Variants in PLET1 observed in about 807,000 individuals in gnomAD.
PLET1 encodes the protein placenta expressed transcript 1, also known as placenta-expressed transcript 1 protein.
In PLET1, 20 loss-of-function variants were observed where a neutral mutation model predicts 18.5. The observed-to-expected ratio is 1.08, with a 90% CI of 0.76 to 1.57. The LOEUF (loss-of-function observed/expected upper bound fraction) is 1.57. Among genes scored for constraint, PLET1 ranks in the 40% most tolerant of loss-of-function variants. The pLI is 0.00. For synonymous variants in PLET1, 93 were observed against 93.8 expected (o/e 0.99, Z 0.05); for missense variants, 256 against 246.4 (o/e 1.04, Z -0.26).
intron 3 of PLET1, 60 bp downstream of exon 3, chr11:112,252,288 A>C: frequency 6.9e-7 from 1 of 1,449,456 alleles, no homozygotes; most frequent in Non-Finnish European, 9.5e-7. Flanking sequence ...CCCACAAGGT[A>C]ATTTTCCAGG....
intron 3 of PLET1, 55 bp from the exon 4 acceptor site, chr11:112,249,029 G>A (rs1392138446): frequency 1.2e-5 from 18 of 1,491,150 alleles, no homozygotes; most frequent in South Asian, 7.4e-5. Flanking sequence ...CGGAACCTCC[G>A]TTGGGTGGTG....
At chr11:112,254,999 GGTAT>G (rs1394474839) in intron 2 of PLET1, among the ~76,000 whole-genome samples, 4 of 69,136 alleles carry the variant, frequency 5.8e-5, no homozygotes, top group African/African-American at 1.5e-4. Flanking sequence ...TGTGGTGTGT[GGTAT>G]GTATGTGTGT....
Position 112,248,618 on chromosome 11 carries a change from T to C in PLET1, c.*181A>G. 3 of 640,874 alleles carry C rather than the reference T, an allele frequency of 4.7e-6. No homozygotes were observed. Among genetic ancestry groups the C allele is most frequent in the South Asian group, 2.0e-5 (1 of 49,838 alleles). The allele number at this position is 640,874 out of a possible 1,614,324, so 39.7% of individuals were successfully genotyped here. ...TGAAAGATCCAGATGAACATCTATG[T>C]GACCCAAGCCTGCCAATGAGTGCCT... On this transcript the variant is annotated 3_prime_UTR_variant, in exon 4 of 4. Transcript: ENST00000338832.
intron 1 of PLET1, 124 bp from the exon 2 acceptor site, chr11:112,255,713 G>T: frequency 1.3e-6 from 1 of 779,590 alleles, no homozygotes. Flanking sequence ...TGCACATCGA[G>T]TATATGGTCT....
In PLET1 at chr11:112,248,849, C is replaced by G. The variant is rs2135415348; in HGVS notation, c.574G>C (p.Glu192Gln). The part of the protein sequence containing the change: ...ANQVFSSPIT[E>Q]AIYILLAFLT... ...AAAGCAAGCAGGATATAAATGGCCT[C>G]TGTGATGGGGCTGCTGAAGACTTGG... The change falls in exon 4 of 4, where the codon GAG becomes CAG. Residue 192 changes from glutamate (E) to glutamine (Q), a missense_variant. Coordinates refer to ENST00000338832, the MANE Select transcript of PLET1 (RefSeq NM_001145024.1). The G allele has an allele frequency of 6.4e-7, 1 of 1,551,582 alleles. No homozygotes were observed. The highest frequency in any genetic ancestry group is 2.4e-5 in the East Asian group (1 of 40,914).
chr11:112,254,833 ATGTGTTGTGTGTGGTG>A (rs1860201732), intron 2 of PLET1, among the ~76,000 whole-genome samples: 3 of 58,160 alleles, frequency 5.2e-5, no homozygotes, highest in East Asian at 5.6e-4. Context: ...TGTGGGGTGT[ATGTGTTGTGTGTGGTG>A]TGTGTGTGGT....
At chr11:112,254,215 G>GTGTGTGTT (rs1860186724) in intron 2 of PLET1, among the ~76,000 whole-genome samples, 1 of 149,484 alleles carries the variant, frequency 6.7e-6, no homozygotes, top group Non-Finnish European at 1.5e-5. Flanking sequence ...GTGTGTGTGT[G>GTGTGTGTT]TGTGAAAAGG....
At position 112,260,694 on chromosome 11, in the gene PLET1, C is replaced by A; in HGVS notation, c.-105G>T. Reference sequence around the variant, plus strand: ...TCTGGGTGAAGTCATACATGCAGATCTTCTCCCTGCCCCTTCTGAATATAC... The same window carrying A: ...TCTGGGTGAAGTCATACATGCAGATATTCTCCCTGCCCCTTCTGAATATAC... On this transcript the variant is annotated 5_prime_UTR_variant, in exon 1 of 4. Transcript: ENST00000338832. 3 of 969,674 alleles carry A rather than the reference C, an allele frequency of 3.1e-6. No individual in the cohort carries two copies. The highest frequency in any genetic ancestry group is 4.6e-6 in the Non-Finnish European group (3 of 659,110). The allele number at this position is 969,674 out of a possible 1,614,324, so 60.1% of individuals were successfully genotyped here.
At position 112,260,826 on chromosome 11, in the gene PLET1, T is replaced by C. The variant is rs1382487848; in HGVS notation, c.-237A>G. ...TTGCAGTTTTGCTCAAGAAAGGGAA[T>C]GTCCTGAATATGGTTTTCTTTTACG... On this transcript the variant is annotated 5_prime_UTR_variant, in exon 1 of 4. Coordinates refer to ENST00000338832, the MANE Select transcript of PLET1 (RefSeq NM_001145024.1). 1 of 517,504 alleles carries C rather than the reference T, an allele frequency of 1.9e-6. No homozygotes were observed. The highest frequency in any genetic ancestry group is 3.4e-6 in the Non-Finnish European group (1 of 292,234). The allele number at this position is 517,504 out of a possible 1,614,324, so 32.1% of individuals were successfully genotyped here.
intron 1 of PLET1, among the ~76,000 whole-genome samples, chr11:112,259,863 C>A (rs1037141770): frequency 6.6e-5 from 10 of 152,032 alleles, no homozygotes; most frequent in Admixed American, 1.3e-4. Flanking sequence ...CATGGAGAAG[C>A]CCCATCTCTA....
Position 112,252,413 on chromosome 11 carries a change from T to C in PLET1, c.387-4A>G. 5 of 1,550,760 alleles carry C rather than the reference T, an allele frequency of 3.2e-6. No homozygotes were observed. The highest frequency in any genetic ancestry group is 4.4e-6 in the Non-Finnish European group (5 of 1,146,158). On this transcript the variant is annotated splice_region_variant and splice_polypyrimidine_tract_variant and intron_variant, in intron 2 of 3. Coordinates refer to ENST00000338832, the MANE Select transcript of PLET1 (RefSeq NM_001145024.1). The stretch of plus-strand genomic sequence containing the variant: ...TCTGATCTGGACAGTGAAAGCTCTG[T>C]GGAGGGCAAATCAATGAGAGATAAT...
In PLET1 at chr11:112,260,419, A is replaced by G; in HGVS notation, c.171T>C (p.Asn57=). 6.4e-7 allele frequency: 1 copy of G among 1,551,642 alleles called. No homozygotes were observed. Among genetic ancestry groups the G allele is most frequent in the South Asian group, 1.2e-5 (1 of 84,036 alleles). The change falls in exon 1 of 4, where the codon AAT becomes AAC. Residue 57 remains asparagine, a synonymous_variant. Transcript: ENST00000338832. Reference sequence around the variant, plus strand: ...GCTTCTACTCACCAGAATAGACTGCATTGCTTTCGTAGATATGTGAACTGG... The same window carrying G: ...GCTTCTACTCACCAGAATAGACTGCGTTGCTTTCGTAGATATGTGAACTGG... ...IKASSHIYES[N]AVYSVFVPVN... is the part of the protein sequence containing the mutation.
intron 2 of PLET1, 132 bp from the exon 3 acceptor site, chr11:112,252,541 T>C: frequency 1.3e-6 from 1 of 748,670 alleles, no homozygotes; most frequent in Non-Finnish European, 2.2e-6. Flanking sequence ...AATGAGCAGA[T>C]CATTAAATAC....
rs1347949008 is a variant in PLET1, at chr11:112,255,504, T to C, written c.270A>G (p.Arg90=). Residue 90 remains arginine, a synonymous_variant, in exon 2 of 4, where the codon AGA becomes AGG. Coordinates refer to ENST00000338832, the MANE Select transcript of PLET1 (RefSeq NM_001145024.1). ...ENSDSAGLWQ[R]ADKNCYSNST... ...AGTTGCTGTAGCAATTTTTATCCGC[T>C]CTTTGCCAGAGGCCCGCTGAGTCAC... is the stretch of plus-strand genomic sequence containing the variant. The C allele has an allele frequency of 5.2e-6, 8 of 1,551,912 alleles. No homozygotes were observed. In the African/African-American group the frequency reaches 1.1e-4, roughly 21 times the overall value.
intron 2 of PLET1, among the ~76,000 whole-genome samples, chr11:112,255,038 G>C (rs547196407): frequency 6.9e-4 from 93 of 134,458 alleles, no homozygotes; most frequent in African/African-American, 2.5e-3. Context: ...TATGTGGTGT[G>C]TGTGGGGTGC....
chr11:112,255,614 A>G lies in PLET1; in HGVS notation c.185-25T>C, dbSNP rs1207568709. 2.6e-6 allele frequency: 4 copies of G among 1,544,002 alleles called. No individual in the cohort carries two copies. The South Asian group carries it at 3.6e-5, about 14-fold the overall frequency. On this transcript the variant is annotated intron_variant, in intron 1 of 3. Transcript: ENST00000338832. Reference sequence around the variant, plus strand: ...ACTGGGAGGAAATGATGAAGAAGCAATCAGCCATCTGTTCCCTCTGAGCCA... The same window carrying G: ...ACTGGGAGGAAATGATGAAGAAGCAGTCAGCCATCTGTTCCCTCTGAGCCA...
chr11:112,254,280 AGT>A (rs1014407147), intron 2 of PLET1, among the ~76,000 whole-genome samples: 2 of 132,424 alleles, frequency 1.5e-5, no homozygotes, highest in East Asian at 2.4e-4. Flanking sequence ...TAAGGTGTGT[AGT>A]GTGTGTATGT....
intron 2 of PLET1, among the ~76,000 whole-genome samples, chr11:112,254,781 C>T (rs1234628121): frequency 6.1e-4 from 2 of 3,272 alleles, no homozygotes; most frequent in South Asian, 0.012. Flanking sequence ...TGGTACGCAT[C>T]GTGTGTGTGT....
rs1313140889 is a variant in PLET1 at position 112,260,681 on chromosome 11, C to A, written c.-92G>T. On this transcript the variant is annotated 5_prime_UTR_variant, in exon 1 of 4. The change abolishes an upstream ATG in the 5' untranslated region. Coordinates refer to ENST00000338832, the MANE Select transcript of PLET1 (RefSeq NM_001145024.1). ...ATATGCCAGGGCTTCTGGGTGAAGT[C>A]ATACATGCAGATCTTCTCCCTGCCC... The A allele has an allele frequency of 2.6e-6, 3 of 1,141,912 alleles. No homozygotes were observed. Among genetic ancestry groups the A allele is most frequent in the Non-Finnish European group, 3.7e-6 (3 of 808,308 alleles). The allele number at this position is 1,141,912 out of a possible 1,614,324, so 70.7% of individuals were successfully genotyped here. A position where few individuals can be genotyped will look rare whatever the true frequency, so the allele number is the denominator to read the frequency against.
Sources: gnomAD v4.1 joint callset for allele counts (sites outside exome capture counted in the v4.1 genomes callset) on GRCh38, gnomAD v4.1.1 for gene constraint, MANE v1.5 for transcripts, NCBI Gene and HGNC (gene_info 2026-07-23, HGNC 2026-07-21) for gene names.